WASHC2C: variants seen among roughly 807,000 people sequenced by gnomAD.
The protein encoded by WASHC2C is WASH complex subunit 2C, also known as Vaccinia Penetration Factor.
WASHC2C carries 73 observed loss-of-function variants against 142.2 expected under a neutral mutation model. The observed-to-expected ratio is 0.51, with a 90% CI of 0.43 to 0.62. The LOEUF is 0.62. WASHC2C is among the 20% of genes least tolerant of loss of function. The pLI is 0.00. For missense variants in WASHC2C, 969 were observed against 1,531.7 expected (o/e 0.63, Z 6.13); for synonymous variants, 337 against 565.5 (o/e 0.60, Z 5.73).
chr10:45,727,375 C>A (rs1253994769), intron 1 of WASHC2C, 42 bp from the exon 2 acceptor site: 2 of 1,607,982 alleles, frequency 1.2e-6, no homozygotes, highest in Non-Finnish European at 1.7e-6. Flanking sequence ...CCGTCCCTGC[C>A]GCCCTCAGGC....
chr10:45,763,809 C>G (rs2055434803), intron 18 of WASHC2C, among the ~76,000 whole-genome samples: 1 of 151,496 alleles, frequency 6.6e-6, no homozygotes. Context: ...TCAGGTGATT[C>G]TCCTGCCTCG....
chr10:45,751,368 G>A (rs1427294434), intron 10 of WASHC2C, 114 bp from the exon 11 acceptor site: 1 of 1,047,706 alleles, frequency 9.5e-7, no homozygotes, highest in African/African-American at 1.8e-5. Context: ...TGAGATGAAA[G>A]GCAGATGTCT....
At chr10:45,743,063 G>A (rs1300607841) in intron 5 of WASHC2C, among the ~76,000 whole-genome samples, 6 of 151,060 alleles carry the variant, frequency 4.0e-5, no homozygotes, top group African/African-American at 1.5e-4. Flanking sequence ...TTTTAGTAGA[G>A]ACGGGGTTTC....
In WASHC2C at chr10:45,792,825, C is replaced by G. The variant is rs1474342052; in HGVS notation, c.*425C>G. On this transcript the variant is annotated 3_prime_UTR_variant, in exon 31 of 31. Transcript: ENST00000623400. ...AGAAAGAAGATGAGAGATTATACTT[C>G]ATGAGTCTTAGCAATATGGGAGCAG... 108 of 476,000 alleles carry G rather than the reference C, an allele frequency of 2.3e-4. No homozygotes were observed. In the East Asian group the frequency reaches 6.9e-3, roughly 31 times the overall value. The allele number at this position is 476,000 out of a possible 1,614,324, so 29.5% of individuals were successfully genotyped here. A position where few individuals can be genotyped will look rare whatever the true frequency, so the allele number is the denominator to read the frequency against.
chr10:45,750,391 AT>A (rs1379448872), intron 9 of WASHC2C, among the ~76,000 whole-genome samples, 185 bp downstream of exon 9: 2 of 151,634 alleles, frequency 1.3e-5, no homozygotes, highest in African/African-American at 4.8e-5. Flanking sequence ...TCCAGATGTT[AT>A]GATTTTATGA....
chr10:45,773,006 A>G (rs573802566), intron 20 of WASHC2C, among the ~76,000 whole-genome samples: 3 of 148,816 alleles, frequency 2.0e-5, no homozygotes, highest in Non-Finnish European at 4.4e-5. Flanking sequence ...ATGAACCTGC[A>G]CTGGATAGTA....
intron 20 of WASHC2C, among the ~76,000 whole-genome samples, chr10:45,770,370 G>A (rs1171107106): frequency 6.7e-6 from 1 of 148,906 alleles, no homozygotes; most frequent in Non-Finnish European, 1.5e-5. Flanking sequence ...CAACCTAGGT[G>A]CCTCTCCCCA....
chr10:45,758,506 A>C (rs568942011), intron 16 of WASHC2C, among the ~76,000 whole-genome samples: 2 of 151,942 alleles, frequency 1.3e-5, no homozygotes, highest in Non-Finnish European at 2.9e-5. Flanking sequence ...TTCTGAATAA[A>C]GTTCTTTCTC....
intron 16 of WASHC2C, among the ~76,000 whole-genome samples, chr10:45,758,698 C>T (rs2054649604): frequency 6.6e-6 from 1 of 151,184 alleles, no homozygotes; most frequent in African/African-American, 2.4e-5. Context: ...GCCTCAACCT[C>T]CTGGGTTCAA....
At chr10:45,768,483 C>G (rs1554883357) in intron 19 of WASHC2C, among the ~76,000 whole-genome samples, 1 of 152,134 alleles carries the variant, frequency 6.6e-6, no homozygotes, top group Non-Finnish European at 1.5e-5. Context: ...GGGGCGGGGC[C>G]TGAAATTCTG....
chr10:45,745,961 C>T (rs1208624930), intron 7 of WASHC2C, among the ~76,000 whole-genome samples: 4 of 122,114 alleles, frequency 3.3e-5, no homozygotes, highest in Non-Finnish European at 6.7e-5. Flanking sequence ...TGATATTCCC[C>T]TTCCTGTGTC....
At chr10:45,727,819 T>C (rs1165536506) in intron 2 of WASHC2C, among the ~76,000 whole-genome samples, 1 of 152,020 alleles carries the variant, frequency 6.6e-6, no homozygotes, top group Non-Finnish European at 1.5e-5. Flanking sequence ...ACTGAGGGAT[T>C]GCTCGGGCAC....
chr10:45,777,399 A>G lies in WASHC2C; in HGVS notation c.2269A>G (p.Arg757Gly). The G allele has an allele frequency of 6.2e-7, 1 of 1,610,176 alleles. No individual in the cohort carries two copies. The part of the protein sequence containing the change: ...ESAKESLKFG[R>G]TDVAESEKEG... ...TGCCAAGGAGTCATTAAAATTTGGG[A>G]GAACTGATGTGGCTGAGTCAGAAAA... is the stretch of plus-strand genomic sequence containing the variant. The change falls in exon 22 of 31, where the codon AGA (arginine) becomes GGA (glycine). Residue 757 changes from arginine (R) to glycine (G), a missense_variant. Coordinates refer to ENST00000623400, the MANE Select transcript of WASHC2C (RefSeq NM_001330074.2).
At chr10:45,732,017 C>CG (rs1440055099) in intron 3 of WASHC2C, among the ~76,000 whole-genome samples, 1 of 151,932 alleles carries the variant, frequency 6.6e-6, no homozygotes. Flanking sequence ...AGGATGGTCT[C>CG]GATCTCCTGA....
intron 23 of WASHC2C, among the ~76,000 whole-genome samples, chr10:45,782,796 C>T: frequency 6.7e-6 from 1 of 149,468 alleles, no homozygotes; most frequent in Non-Finnish European, 1.5e-5. Context: ...CATGGATGAA[C>T]CTTGAAAACA....
chr10:45,756,463 C>T (rs1264843366), intron 15 of WASHC2C, among the ~76,000 whole-genome samples: 2 of 152,052 alleles, frequency 1.3e-5, no homozygotes, highest in African/African-American at 4.8e-5. Flanking sequence ...TTATTTATAG[C>T]CTTATTTATA....
chr10:45,738,179 G>C, intron 4 of WASHC2C, 134 bp downstream of exon 4: 1 of 1,568,066 alleles, frequency 6.4e-7, no homozygotes, highest in Non-Finnish European at 8.7e-7. Flanking sequence ...AGCAGCCCAA[G>C]AGGGGATTCT....
intron 13 of WASHC2C, among the ~76,000 whole-genome samples, chr10:45,754,236 C>T (rs1430096506): frequency 6.6e-6 from 1 of 152,204 alleles, no homozygotes; most frequent in Non-Finnish European, 1.5e-5. Context: ...TGACCCACTG[C>T]TGTGGCTTGA....
At chr10:45,736,387 CAG>C (rs1371799704) in intron 3 of WASHC2C, among the ~76,000 whole-genome samples, 60 of 102,088 alleles carry the variant, frequency 5.9e-4, no homozygotes, top group African/African-American at 2.1e-3. Flanking sequence ...GCCTTGGCAA[CAG>C]AGTGAGACTC....
Sources: allele counts gnomAD v4.1 joint callset (sites outside exome capture counted in the v4.1 genomes callset), GRCh38; gene constraint gnomAD v4.1.1; transcripts MANE v1.5; gene names NCBI Gene and HGNC (gene_info 2026-07-23, HGNC 2026-07-21).